DGKI: variants seen among roughly 807,000 people sequenced by gnomAD.
DGKI encodes diacylglycerol kinase iota.
Under a neutral mutation model 147.5 loss-of-function variants are expected in DGKI, and 55 were observed. The ratio of observed to expected loss-of-function variants is 0.37; its 90% CI spans 0.30 to 0.47. DGKI has a LOEUF of 0.47. Ranked by LOEUF, DGKI falls within the 20% of genes least tolerant of loss-of-function variation. The pLI is 1.00. For synonymous variants in DGKI, 469 were observed against 477.1 expected (o/e 0.98, Z 0.22); for missense variants, 1,007 against 1,323.8 (o/e 0.76, Z 3.71).
At chr7:137,717,088 G>C (rs1026545446) in intron 1 of DGKI, among the ~76,000 whole-genome samples, 3 of 152,198 alleles carry the variant, frequency 2.0e-5, no homozygotes, top group African/African-American at 7.2e-5. Flanking sequence ...CAGAGACTCT[G>C]TCTTACTTTG....
At chr7:137,785,893 C>T (rs1217203972) in intron 1 of DGKI, among the ~76,000 whole-genome samples, 1 of 152,102 alleles carries the variant, frequency 6.6e-6, no homozygotes, top group Non-Finnish European at 1.5e-5. Context: ...TCAATAGATG[C>T]AGAAAAAGCA....
intron 1 of DGKI, chr7:137,722,932 A>T: frequency 1.6e-6 from 1 of 614,678 alleles, no homozygotes; most frequent in South Asian, 2.2e-5. Context: ...TGAAGTGCAC[A>T]GGCTCTGGAA....
At chr7:137,576,522 A>G (rs1371561711) in intron 17 of DGKI, among the ~76,000 whole-genome samples, 2 of 152,132 alleles carry the variant, frequency 1.3e-5, no homozygotes, top group Non-Finnish European at 2.9e-5. Context: ...TGTTTACTAT[A>G]AGGAAACATT....
intron 10 of DGKI, among the ~76,000 whole-genome samples, chr7:137,606,428 A>G (rs533775598): frequency 9.8e-5 from 15 of 152,322 alleles, no homozygotes; most frequent in Non-Finnish European, 1.9e-4. Context: ...GGCAAAACTC[A>G]AGATTTAACA....
intron 27 of DGKI, 132 bp from the exon 28 acceptor site, chr7:137,444,234 G>A (rs1813624453): frequency 1.8e-6 from 1 of 569,856 alleles, no homozygotes; most frequent in Non-Finnish European, 3.0e-6. Flanking sequence ...TGTAATTAAT[G>A]TGTTGATTGC....
chr7:137,523,583 A>T (rs1327833932), intron 20 of DGKI, among the ~76,000 whole-genome samples: 1 of 152,164 alleles, frequency 6.6e-6, no homozygotes, highest in Non-Finnish European at 1.5e-5. Context: ...AAAAATCAGT[A>T]TAAAACTACA....
chr7:137,826,851 T>G (rs1446155923), intron 1 of DGKI, among the ~76,000 whole-genome samples: 1 of 152,190 alleles, frequency 6.6e-6, no homozygotes, highest in Non-Finnish European at 1.5e-5. Context: ...TTTGCTAAAG[T>G]AATAATGAAT....
chr7:137,635,797 A>G (rs1821288841), intron 6 of DGKI, among the ~76,000 whole-genome samples: 1 of 152,246 alleles, frequency 6.6e-6, no homozygotes, highest in South Asian at 2.1e-4. Flanking sequence ...GACAAAATAC[A>G]GAAATACAGA....
At chr7:137,409,805 C>T (rs1328360366) in intron 29 of DGKI, among the ~76,000 whole-genome samples, 2 of 152,076 alleles carry the variant, frequency 1.3e-5, no homozygotes, top group Non-Finnish European at 2.9e-5. Context: ...CCCAGTTGTC[C>T]AGGAGCTATT....
intron 20 of DGKI, among the ~76,000 whole-genome samples, chr7:137,538,992 C>T (rs1018364246): frequency 2.6e-4 from 39 of 152,114 alleles, no homozygotes; most frequent in African/African-American, 9.4e-4. Context: ...TGTGCTCCAG[C>T]TCTAAGAAAA....
intron 19 of DGKI, among the ~76,000 whole-genome samples, chr7:137,563,278 TA>T (rs59337977): frequency 0.059 from 8,895 of 150,770 alleles, 629 homozygotes; most frequent in African/African-American, 0.17. Flanking sequence ...AGGACACTAA[TA>T]AAAAAAAACT....
At chr7:137,665,497 G>A (rs1200539617) in intron 3 of DGKI, among the ~76,000 whole-genome samples, 2 of 152,136 alleles carry the variant, frequency 1.3e-5, no homozygotes, top group East Asian at 3.8e-4. Flanking sequence ...ATTGCCTCTC[G>A]AGTACCGCAG....
chr7:137,463,288 T>C (rs1281342349), intron 27 of DGKI, among the ~76,000 whole-genome samples: 2 of 152,006 alleles, frequency 1.3e-5, no homozygotes, highest in Non-Finnish European at 2.9e-5. Flanking sequence ...GCAAAAGAAA[T>C]GGAAGGTGGA....
intron 20 of DGKI, among the ~76,000 whole-genome samples, chr7:137,535,403 G>C (rs1166482705): frequency 6.6e-6 from 1 of 151,920 alleles, no homozygotes; most frequent in Non-Finnish European, 1.5e-5. Context: ...TGGACTAATT[G>C]TATCTCTAAA....
chr7:137,722,674 G>A (rs1166087770), intron 1 of DGKI: 10 of 1,581,508 alleles, frequency 6.3e-6, no homozygotes, highest in Non-Finnish European at 8.7e-6. Context: ...ACACCAGGAA[G>A]GTGAGATCTT....
chr7:137,518,781 C>G lies in DGKI; in HGVS notation c.2248+3085G>C, dbSNP rs150612283. Among the ~76,000 whole-genome samples the G allele has an allele frequency of 3.6e-3, 554 of 152,098 alleles. 4 individuals are homozygous for G. Among genetic ancestry groups the G allele is most frequent in the Admixed American group, 5.1e-3 (77 of 15,228 alleles). On this transcript the variant is annotated intron_variant, in intron 21 of 32. Coordinates refer to ENST00000614521, the MANE Select transcript of DGKI (RefSeq NM_001321708.2). ...GATTTTTAAAAAATATATCATGTGT[C>G]AGTGAATCTCTTCTGGGGTTAGAAA...
In DGKI at chr7:137,516,561, G is replaced by GA. The variant is rs547210797; in HGVS notation, c.2248+5304dup. Among the ~76,000 whole-genome samples, 472 of 151,378 alleles carry GA rather than the reference G, an allele frequency of 3.1e-3. 5 individuals carry two copies. The highest frequency in any genetic ancestry group is 0.011 in the African/African-American group (451 of 41,358). ...GTTATTATCACATTTTTTAAAAAAA[G>GA]AAAAAAAGCTCCAGAAAATCAGGAA... On this transcript the variant is annotated intron_variant, in intron 21 of 32. Transcript: ENST00000614521.
At chr7:137,595,214 T>C (rs952554441) in intron 12 of DGKI, among the ~76,000 whole-genome samples, 1 of 152,162 alleles carries the variant, frequency 6.6e-6, no homozygotes, top group African/African-American at 2.4e-5. Context: ...ATATGAAAAA[T>C]AGGAGAAGTA....
chr7:137,660,245 G>C (rs547134563), intron 3 of DGKI, among the ~76,000 whole-genome samples: 2 of 152,038 alleles, frequency 1.3e-5, no homozygotes, highest in Non-Finnish European at 2.9e-5. Context: ...GAACATATCC[G>C]TTTAAACTAA....
Sources: gnomAD v4.1 joint callset for allele counts (sites outside exome capture counted in the v4.1 genomes callset) on GRCh38, gnomAD v4.1.1 for gene constraint, MANE v1.5 for transcripts, NCBI Gene and HGNC (gene_info 2026-07-23, HGNC 2026-07-21) for gene names.